Variants in CHRM3 observed in about 807,000 individuals in gnomAD.
The protein encoded by CHRM3 is muscarinic acetylcholine receptor M3.
CHRM3 carries 11 observed loss-of-function variants against 41.8 expected under a neutral mutation model. The ratio of observed to expected loss-of-function variants is 0.26; its 90% CI spans 0.17 to 0.44. The LOEUF (loss-of-function observed/expected upper bound fraction) is 0.44. CHRM3 is among the 20% of genes least tolerant of loss of function. The pLI, the probability that CHRM3 is intolerant of heterozygous loss-of-function variation, is 1.00. For synonymous variants in CHRM3, 297 were observed against 301.4 expected (o/e 0.99, Z 0.15); for missense variants, 571 against 745.4 (o/e 0.77, Z 2.72).
chr1:239,487,568 C>G (rs975342817), intron 1 of CHRM3, among the ~76,000 whole-genome samples: 7 of 151,926 alleles, frequency 4.6e-5, no homozygotes, highest in Non-Finnish European at 8.8e-5. Flanking sequence ...AAAAAAATAG[C>G]TGAATCTTTG....
At chr1:239,769,249 A>G (rs527489712) in intron 5 of CHRM3, among the ~76,000 whole-genome samples, 1 of 152,204 alleles carries the variant, frequency 6.6e-6, no homozygotes, top group South Asian at 2.1e-4. Context: ...TGTGCCCGCC[A>G]CCGGCCTGGT....
At chr1:239,609,908 A>G (rs1439515278) in intron 3 of CHRM3, among the ~76,000 whole-genome samples, 1 of 151,978 alleles carries the variant, frequency 6.6e-6, no homozygotes, top group Non-Finnish European at 1.5e-5. Flanking sequence ...TAAAAGTACT[A>G]TAGGCCGGGC....
chr1:239,425,590 T>C (rs1662305485), intron 1 of CHRM3, among the ~76,000 whole-genome samples: 2 of 152,174 alleles, frequency 1.3e-5, no homozygotes, highest in African/African-American at 4.8e-5. Flanking sequence ...AACTTCCTTT[T>C]GACACTTGGT....
In CHRM3 at chr1:239,404,275, C is replaced by CGA. The variant is rs549990647; in HGVS notation, c.-521+17051_-521+17052dup. Among the ~76,000 whole-genome samples the CGA allele has an allele frequency of 4.3e-3, 570 of 133,280 alleles. 4 individuals carry two copies. The highest frequency in any genetic ancestry group is 0.016 in the African/African-American group (549 of 34,888). The allele number at this position is 133,280 out of a possible 152,430, so 87.4% of individuals were successfully genotyped here. A position where few individuals can be genotyped will look rare whatever the true frequency, so the allele number is the denominator to read the frequency against. ...CTGCACTCCAGCCTGGGTGACAGAG[C>CGA]GAGACTCTGTCTCAAAAAAAAAGAA... On this transcript the variant is annotated intron_variant, in intron 1 of 6. Coordinates refer to ENST00000676153, the MANE Select transcript of CHRM3 (RefSeq NM_001375978.1).
At chr1:239,757,137 G>T (rs137884802) in intron 5 of CHRM3, among the ~76,000 whole-genome samples, 1 of 152,114 alleles carries the variant, frequency 6.6e-6, no homozygotes, top group Non-Finnish European at 1.5e-5. Context: ...CAAGACAAAT[G>T]TATGAAAGGT....
intron 1 of CHRM3, among the ~76,000 whole-genome samples, chr1:239,390,001 A>G (rs961310649): frequency 4.6e-5 from 7 of 152,212 alleles, no homozygotes; most frequent in Non-Finnish European, 8.8e-5. Context: ...TCCTTCACTT[A>G]TGGAACCTGA....
chr1:239,771,385 C>T (rs954180071), intron 5 of CHRM3, among the ~76,000 whole-genome samples: 5 of 152,086 alleles, frequency 3.3e-5, no homozygotes, highest in Admixed American at 6.6e-5. Context: ...CTCCAGACTC[C>T]TCTCCACACT....
At chr1:239,434,854 G>A (rs1663109917) in intron 1 of CHRM3, among the ~76,000 whole-genome samples, 1 of 152,172 alleles carries the variant, frequency 6.6e-6, no homozygotes, top group Admixed American at 6.5e-5. Context: ...ACTTTGAAAG[G>A]AAACAATCAT....
intron 1 of CHRM3, among the ~76,000 whole-genome samples, chr1:239,400,490 G>T (rs1262076030): frequency 6.6e-6 from 1 of 151,832 alleles, no homozygotes; most frequent in South Asian, 2.1e-4. Context: ...TGCTTTTGTT[G>T]CCTGTGATTT....
At chr1:239,642,493 C>T (rs1177492224) in intron 4 of CHRM3, among the ~76,000 whole-genome samples, 2 of 152,076 alleles carry the variant, frequency 1.3e-5, no homozygotes, top group Non-Finnish European at 2.9e-5. Flanking sequence ...CTAAACTTCC[C>T]TTCTCGCTTC....
chr1:239,473,225 A>G lies in CHRM3; in HGVS notation c.-520-19484A>G, dbSNP rs374787090. Among the ~76,000 whole-genome samples, 6 of 151,866 alleles carry G rather than the reference A, an allele frequency of 4.0e-5. No individual in the cohort carries two copies. In the East Asian group the frequency reaches 1.2e-3, roughly 29 times the overall value. On this transcript the variant is annotated intron_variant, in intron 1 of 6. Transcript: ENST00000676153. ...GGAAGAAATACACCATAAGAAGAAA[A>G]TACTGATCCATTTAACTTAATAAAC...
chr1:239,574,639 C>G (rs1024221155), intron 3 of CHRM3, among the ~76,000 whole-genome samples: 11 of 152,138 alleles, frequency 7.2e-5, no homozygotes, highest in Non-Finnish European at 1.6e-4. Context: ...TTGAGGCATT[C>G]TTTATAAGTT....
chr1:239,787,868 A>G (rs1486281400), intron 5 of CHRM3, among the ~76,000 whole-genome samples: 10 of 152,240 alleles, frequency 6.6e-5, no homozygotes, highest in Non-Finnish European at 1.2e-4. Context: ...AAGATTACAT[A>G]TATATTTAAA....
chr1:239,759,353 A>T (rs888428937), intron 5 of CHRM3, among the ~76,000 whole-genome samples: 6 of 150,952 alleles, frequency 4.0e-5, no homozygotes, highest in African/African-American at 1.5e-4. Flanking sequence ...GTTAAATTTT[A>T]CCTAGGATTT....
intron 5 of CHRM3, among the ~76,000 whole-genome samples, chr1:239,696,421 C>T (rs1660197286): frequency 6.6e-6 from 1 of 152,052 alleles, no homozygotes; most frequent in Admixed American, 6.6e-5. Flanking sequence ...GTGCCTTTCT[C>T]CTAGGGTTCA....
chr1:239,418,117 C>CG (rs1362664519), intron 1 of CHRM3, among the ~76,000 whole-genome samples: 3 of 151,956 alleles, frequency 2.0e-5, no homozygotes, highest in Non-Finnish European at 4.4e-5. Context: ...AGCAGGGCAG[C>CG]GGGCCAGGCA....
At chr1:239,702,481 A>G (rs981651419) in intron 5 of CHRM3, among the ~76,000 whole-genome samples, 7 of 152,220 alleles carry the variant, frequency 4.6e-5, no homozygotes, top group African/African-American at 1.7e-4. Flanking sequence ...AAGTCTAGGA[A>G]GGTAAGCATT....
intron 3 of CHRM3, among the ~76,000 whole-genome samples, chr1:239,615,017 A>T (rs1357670064): frequency 6.6e-6 from 1 of 152,224 alleles, no homozygotes; most frequent in East Asian, 1.9e-4. Context: ...TCAAATAAAA[A>T]GCATATAGCC....
intron 3 of CHRM3, among the ~76,000 whole-genome samples, chr1:239,555,624 C>T (rs567180093): frequency 6.6e-6 from 1 of 152,162 alleles, no homozygotes; most frequent in Non-Finnish European, 1.5e-5. Flanking sequence ...AGTTACTACC[C>T]ATTTCCTAGG....
Sources: allele counts gnomAD v4.1 joint callset (sites outside exome capture counted in the v4.1 genomes callset), GRCh38; gene constraint gnomAD v4.1.1; transcripts MANE v1.5; gene names NCBI Gene and HGNC (gene_info 2026-07-23, HGNC 2026-07-21).